The following ABCA8 variants were observed in gnomAD, a reference collection of about 807,000 sequenced individuals.
ABCA8 encodes ATP binding cassette subfamily A member 8, also known as ABC-type organic anion transporter ABCA8.
Under a neutral mutation model 192.3 loss-of-function variants are expected in ABCA8, and 177 were observed. The ratio of observed to expected loss-of-function variants is 0.92; its 90% CI spans 0.81 to 1.04. The LOEUF (loss-of-function observed/expected upper bound fraction) is 1.04, where lower values mean the gene tolerates loss of function less well. Among genes scored for constraint, ABCA8 ranks in the 50% least tolerant of loss-of-function variants. The pLI is 0.00. For synonymous variants in ABCA8, 642 were observed against 690.2 expected, an observed-to-expected ratio of 0.93 and a Z score of 1.09; for missense variants, 1,915 against 1,904.8, an observed-to-expected ratio of 1.01 and a Z score of -0.10.
intron 23 of ABCA8, 142 bp downstream of exon 23, chr17:68,894,031 G>C (rs2066684875): frequency 1.1e-6 from 1 of 894,884 alleles, no homozygotes; most frequent in African/African-American, 1.7e-5. Context: ...ATTTTCCAAA[G>C]TCACAGAACT....
chr17:68,869,894 A>C, intron 37 of ABCA8, 115 bp from the exon 38 acceptor site: 1 of 701,820 alleles, frequency 1.4e-6, no homozygotes, highest in East Asian at 2.7e-5. Flanking sequence ...GGAACATTTA[A>C]CATGAGATCT....
intron 27 of ABCA8, 125 bp downstream of exon 27, chr17:68,885,071 C>T (rs2066424706): frequency 1.2e-5 from 14 of 1,213,354 alleles, no homozygotes; most frequent in South Asian, 7.2e-5. Flanking sequence ...AATTGGATTC[C>T]GTCAGGCAGA....
At chr17:68,901,086 T>G (rs1391643081) in intron 21 of ABCA8, among the ~76,000 whole-genome samples, 1 of 152,216 alleles carries the variant, frequency 6.6e-6, no homozygotes, top group African/African-American at 2.4e-5. Context: ...GTTATTTTGT[T>G]CAATCTCAGT....
chr17:68,885,408 C>T, intron 26 of ABCA8, 93 bp from the exon 27 acceptor site: 1 of 1,295,656 alleles, frequency 7.7e-7, no homozygotes, highest in Non-Finnish European at 1.1e-6. Context: ...CTAATTTCAA[C>T]TCCAATCTTG....
chr17:68,913,193 T>C (rs1461745894), intron 17 of ABCA8, among the ~76,000 whole-genome samples: 1 of 152,070 alleles, frequency 6.6e-6, no homozygotes, highest in Non-Finnish European at 1.5e-5. Context: ...AAAAATTTAT[T>C]GAAACAAATG....
chr17:68,904,828 T>C (rs2143504858), intron 19 of ABCA8, among the ~76,000 whole-genome samples: 1 of 152,298 alleles, frequency 6.6e-6, no homozygotes, highest in East Asian at 1.9e-4. Flanking sequence ...GTCTTTCCTT[T>C]TGTGTAATAC....
rs2067653150 is a variant in ABCA8, at chr17:68,924,862, A to G, written c.1281T>C (p.Tyr427=). 2 of 1,613,798 alleles carry G rather than the reference A, an allele frequency of 1.2e-6. No individual in the cohort carries two copies. The highest frequency in any genetic ancestry group is 1.7e-6 in the Non-Finnish European group (2 of 1,179,864). The change falls in exon 11 of 40, where the codon TAT becomes TAC. Residue 427 remains tyrosine, a synonymous_variant. Coordinates refer to ENST00000586539, the MANE Select transcript of ABCA8 (RefSeq NM_001288985.2). The stretch of plus-strand genomic sequence containing the variant: ...AAAACAAAGGTGGACGTCGATGTCC[A>G]TATTCATCTACATGGCCAGAAGACA... ...IYFEKILPNE[Y]GHRRPPLFFL...
rs2065947273 is a variant in ABCA8, at chr17:68,867,385, A to G, written c.*700T>C. ...TGTGAACTTTCTGAAACCAAGTGAC[A>G]AATATCCACAAAAGATCATTTACAA... On this transcript the variant is annotated 3_prime_UTR_variant, in exon 40 of 40. Coordinates refer to ENST00000586539, the MANE Select transcript of ABCA8 (RefSeq NM_001288985.2). 6.6e-6 allele frequency: 1 copy of G among 152,218 alleles called. No individual in the cohort carries two copies. The highest frequency in any genetic ancestry group is 2.4e-5 in the African/African-American group (1 of 41,466). The allele number at this position is 152,218 out of a possible 1,614,324, so 9.4% of individuals were successfully genotyped here. A position where few individuals can be genotyped will look rare whatever the true frequency, so the allele number is the denominator to read the frequency against.
chr17:68,873,586 G>A (rs2066122422), intron 37 of ABCA8, among the ~76,000 whole-genome samples: 1 of 151,916 alleles, frequency 6.6e-6, no homozygotes, highest in Admixed American at 6.6e-5. Context: ...TGTTTTTATT[G>A]TCTATGCTTT....
At chr17:68,921,290 T>A (rs2067525253) in intron 13 of ABCA8, 92 bp downstream of exon 13, 1 of 717,738 alleles carries the variant, frequency 1.4e-6, no homozygotes, top group Non-Finnish European at 2.2e-6. Context: ...ACATGGCACA[T>A]GTATACATAT....
intron 32 of ABCA8, among the ~76,000 whole-genome samples, chr17:68,880,536 C>T (rs984368418): frequency 3.9e-5 from 6 of 152,142 alleles, no homozygotes; most frequent in African/African-American, 1.2e-4. Context: ...AGGGGATCCC[C>T]GAGCCAGGGC....
At chr17:68,953,880 C>A (rs970200804) in intron 1 of ABCA8, among the ~76,000 whole-genome samples, 1 of 152,108 alleles carries the variant, frequency 6.6e-6, no homozygotes, top group Non-Finnish European at 1.5e-5. Flanking sequence ...ATGCAATTAT[C>A]TATAGAAGTA....
intron 32 of ABCA8, chr17:68,880,255 A>T (rs768337058): frequency 3.3e-5 from 5 of 152,276 alleles, no homozygotes; most frequent in Non-Finnish European, 7.3e-5. Context: ...CCTCTCCATT[A>T]GGGGCTGGAC....
At chr17:68,936,166 GT>G (rs1238665776) in intron 5 of ABCA8, among the ~76,000 whole-genome samples, 3 of 151,726 alleles carry the variant, frequency 2.0e-5, no homozygotes, top group African/African-American at 4.8e-5. Flanking sequence ...CTTTGCAGAA[GT>G]TTTTTTTAGT....
chr17:68,868,357 C>T lies in ABCA8; in HGVS notation c.4712-1G>A. 3 of 1,612,794 alleles carry T rather than the reference C, an allele frequency of 1.9e-6. No individual in the cohort carries two copies. The highest frequency in any genetic ancestry group is 2.5e-6 in the Non-Finnish European group (3 of 1,178,878). ...TCCTCTAGGTCAAAGCTCTGTTTAA[C>T]TGCATAGGGATGAACATGTATTAGT... is the stretch of plus-strand genomic sequence containing the variant. On this transcript the variant is annotated splice_acceptor_variant, in intron 38 of 39. Transcript: ENST00000586539. LOFTEE classifies it high-confidence loss of function.
chr17:68,892,495 T>C (rs1486997562), intron 23 of ABCA8, among the ~76,000 whole-genome samples: 5 of 152,110 alleles, frequency 3.3e-5, no homozygotes, highest in African/African-American at 1.2e-4. Flanking sequence ...GCTGGGGATA[T>C]TGGTTAAAGT....
At chr17:68,954,724 T>C (rs1175168857) in intron 1 of ABCA8, among the ~76,000 whole-genome samples, 1 of 152,186 alleles carries the variant, frequency 6.6e-6, no homozygotes, top group East Asian at 1.9e-4. Context: ...CTAAAATTCT[T>C]ATAGACTAAG....
intron 21 of ABCA8, among the ~76,000 whole-genome samples, chr17:68,896,341 T>A (rs1297679467): frequency 1.3e-5 from 2 of 152,218 alleles, no homozygotes; most frequent in Admixed American, 1.3e-4. Flanking sequence ...CTTCAAAGAC[T>A]TTTCCTACAA....
intron 2 of ABCA8, among the ~76,000 whole-genome samples, chr17:68,943,371 T>C (rs1239776833): frequency 6.6e-6 from 1 of 152,204 alleles, no homozygotes. Flanking sequence ...TGTGTATAGA[T>C]ATACTTTTTT....
Sources: allele counts gnomAD v4.1 joint callset (sites outside exome capture counted in the v4.1 genomes callset), GRCh38; gene constraint gnomAD v4.1.1; transcripts MANE v1.5; gene names NCBI Gene and HGNC (gene_info 2026-07-23, HGNC 2026-07-21).